The following CCDC160 variants were observed in gnomAD, a reference collection of about 807,000 sequenced individuals.
CCDC160 encodes coiled-coil domain containing 160.
For missense variants in CCDC160, 227 were observed against 215.6 expected, an observed-to-expected ratio of 1.05 and a Z score of -0.33; for synonymous variants, 94 against 79.4, an observed-to-expected ratio of 1.18 and a Z score of -0.98.
At chrX:134,237,321 C>G (rs1248936731) in exon 1 of CCDC160, 2 of 112,824 alleles carry the variant, frequency 1.8e-5, no homozygotes, top group Non-Finnish European at 3.8e-5. Flanking sequence ...TTCGGGCTCT[C>G]CAGACGGCAT....
intron 1 of CCDC160, among the ~76,000 whole-genome samples, chrX:134,242,344 AG>A (rs1310944199): frequency 9.0e-6 from 1 of 111,549 alleles, no homozygotes; most frequent in African/African-American, 3.3e-5. Context: ...AGATGAATAA[AG>A]AAGAATTTTA....
chrX:134,245,343 A>T, exon 2 of CCDC160: 1 of 1,190,900 alleles, frequency 8.4e-7, no homozygotes, highest in Non-Finnish European at 1.1e-6. Context: ...ACAAAAAAGA[A>T]ATATTCACAA....
chrX:134,239,097 A>C (rs1249565159), intron 1 of CCDC160, among the ~76,000 whole-genome samples: 1 of 111,891 alleles, frequency 8.9e-6, no homozygotes, highest in Non-Finnish European at 1.9e-5. Flanking sequence ...TATGTCAAAA[A>C]AAATTTTTTT....
At chrX:134,242,564 AGTGTGTGTGT>A (rs371345902) in intron 1 of CCDC160, among the ~76,000 whole-genome samples, 2 of 104,932 alleles carry the variant, frequency 1.9e-5, no homozygotes, top group East Asian at 3.0e-4. Context: ...AAAATTAAAA[AGTGTGTGTGT>A]GTGTGTGTGT....
At chrX:134,242,727 A>G (rs1238931094) in intron 1 of CCDC160, among the ~76,000 whole-genome samples, 2 of 111,033 alleles carry the variant, frequency 1.8e-5, no homozygotes, top group South Asian at 3.9e-4. Context: ...TCTATCTCAG[A>G]TAGAGATATT....
chrX:134,242,586 T>C (rs1210220048), intron 1 of CCDC160, among the ~76,000 whole-genome samples: 1 of 109,774 alleles, frequency 9.1e-6, no homozygotes, highest in African/African-American at 3.3e-5. Context: ...TGTGTGTGTG[T>C]GCATGTGTGC....
chrX:134,244,691 G>A (rs925169605), intron 1 of CCDC160, 86 bp from the exon 3 acceptor site: 25 of 892,116 alleles, frequency 2.8e-5, no homozygotes, highest in Middle Eastern at 6.7e-4. Context: ...TTCTTCACCC[G>A]TGAGCCAGCA....
intron 1 of CCDC160, chrX:134,243,444 C>T (rs976222579): frequency 4.3e-6 from 2 of 462,822 alleles, no homozygotes; most frequent in Non-Finnish European, 5.3e-6. Flanking sequence ...TCCTTCATTG[C>T]TCATAGTAAG....
At chrX:134,242,196 G>C (rs2077029501) in intron 1 of CCDC160, among the ~76,000 whole-genome samples, 2 of 111,385 alleles carry the variant, frequency 1.8e-5, no homozygotes, top group Non-Finnish European at 3.8e-5. Flanking sequence ...TTCTCTTTCT[G>C]TTCTTTGAAA....
chrX:134,245,560 G>A (rs2077040494), exon 2 of CCDC160: 1 of 1,201,719 alleles, frequency 8.3e-7, no homozygotes, highest in Non-Finnish European at 1.1e-6. Flanking sequence ...TCAAACCGAG[G>A]TTGGAAATGT....
chrX:134,242,631 T>C (rs1412849605), intron 1 of CCDC160, among the ~76,000 whole-genome samples: 1 of 110,913 alleles, frequency 9.0e-6, no homozygotes, highest in Non-Finnish European at 1.9e-5. Flanking sequence ...ATTTATGGGA[T>C]GGTTGGATGT....
downstream of CCDC160, chrX:134,246,097 A>C: frequency 3.6e-5 from 5 of 138,722 alleles, no homozygotes; most frequent in East Asian, 1.8e-4. Context: ...ATGAATACAA[A>C]TCAGCAATTT....
At chrX:134,244,732 A>G in intron 1 of CCDC160, 45 bp from the exon 3 acceptor site, 3 of 1,056,051 alleles carry the variant, frequency 2.8e-6, no homozygotes, top group Non-Finnish European at 3.7e-6. Context: ...ATTAGCTACT[A>G]GTGTAAATAA....
chrX:134,242,825 C>G (rs189862032), intron 1 of CCDC160, among the ~76,000 whole-genome samples: 39 of 111,068 alleles, frequency 3.5e-4, no homozygotes, highest in African/African-American at 1.2e-3. Context: ...GCCCTTCATC[C>G]AGAATTAAGT....
intron 1 of CCDC160, among the ~76,000 whole-genome samples, chrX:134,240,972 C>T (rs752728499): frequency 2.8e-4 from 30 of 108,881 alleles, no homozygotes; most frequent in African/African-American, 8.4e-4. Flanking sequence ...CCACTGTGCC[C>T]GTGTAAATGG....
intron 1 of CCDC160, among the ~76,000 whole-genome samples, chrX:134,244,071 G>A (rs1214524365): frequency 3.6e-5 from 4 of 111,874 alleles, no homozygotes; most frequent in African/African-American, 6.5e-5. Context: ...CTCAGAGTCA[G>A]TATCTTGAGA....
rs778928234 is a variant in CCDC160 at position 134,243,286 on chromosome X, T to C, written c.-24-1491T>C. The C allele has an allele frequency of 2.0e-5, 13 of 652,531 alleles. No individual in the cohort carries two copies. The South Asian group carries it at 1.0e-3, about 52-fold the overall frequency. The allele number at this position is 652,531 out of a possible 1,213,427, so 53.8% of individuals were successfully genotyped here. A position where few individuals can be genotyped will look rare whatever the true frequency, so the allele number is the denominator to read the frequency against. On this transcript the variant is annotated intron_variant, in intron 1 of 1. Transcript: ENST00000370809. Reference sequence around the variant, plus strand: ...TTCACTGAACTCTCCAAATAGTTCATCTTAAGAATATATGTACCTTCTCCT... The same window carrying C: ...TTCACTGAACTCTCCAAATAGTTCACCTTAAGAATATATGTACCTTCTCCT...
At chrX:134,245,217 A>G (rs1376215965) in exon 2 of CCDC160, 9 of 1,196,411 alleles carry the variant, frequency 7.5e-6, no homozygotes, top group Non-Finnish European at 1.0e-5. Flanking sequence ...AATTTATGGA[A>G]AGAATGTCTC....
rs112326308 is a variant in CCDC160, at chrX:134,241,842, A to G, written c.-24-2935A>G. The stretch of plus-strand genomic sequence containing the variant: ...CTGGTTTGGTTTGCCTTATGCTGGA[A>G]CAAATTACCTAGTCAAGTTTATTGA... On this transcript the variant is annotated intron_variant, in intron 1 of 1. Transcript: ENST00000370809. Among the ~76,000 whole-genome samples, 121 of 112,065 alleles carry G rather than the reference A, an allele frequency of 1.1e-3. 1 individual carries two copies. Among genetic ancestry groups the G allele is most frequent in the African/African-American group, 3.8e-3 (116 of 30,858 alleles).
Sources: gnomAD v4.1 joint callset for allele counts (sites outside exome capture counted in the v4.1 genomes callset) on GRCh38, gnomAD v4.1.1 for gene constraint, MANE v1.5 for transcripts, NCBI Gene and HGNC (gene_info 2026-07-23, HGNC 2026-07-21) for gene names.